The following BMAL2 variants were observed in gnomAD, a reference collection of about 807,000 sequenced individuals.
The protein encoded by BMAL2 is basic helix-loop-helix ARNT like 2.
At chr12:27,374,000 G>C in the BMAL2 span, among the ~76,000 whole-genome samples, 1 of 152,118 alleles carries the variant, frequency 6.6e-6, no homozygotes, top group African/African-American at 2.4e-5. Context: ...TGAATTGTTT[G>C]ACTAAGAAGA....
At chr12:27,374,823 C>T in the BMAL2 span, among the ~76,000 whole-genome samples, 1 of 152,178 alleles carries the variant, frequency 6.6e-6, no homozygotes, top group Non-Finnish European at 1.5e-5. Flanking sequence ...TCAACTCCTT[C>T]ATCTGTAAAA....
the BMAL2 span, chr12:27,333,022 C>T: frequency 7.6e-6 from 9 of 1,181,806 alleles, no homozygotes; most frequent in African/African-American, 6.4e-5. Context: ...GCCCGGGGCT[C>T]CTCCATGCTG....
the BMAL2 span, chr12:27,401,315 T>C: frequency 6.2e-7 from 1 of 1,614,144 alleles, no homozygotes; most frequent in African/African-American, 1.3e-5. Flanking sequence ...TTGTTATGAA[T>C]ATTTTCATCA....
At chr12:27,409,914 C>T in the BMAL2 span, among the ~76,000 whole-genome samples, 1 of 151,966 alleles carries the variant, frequency 6.6e-6, no homozygotes, top group Admixed American at 6.6e-5. Flanking sequence ...AACAAACAAC[C>T]CCATTAAAAA....
the BMAL2 span, chr12:27,420,615 G>A: frequency 1.5e-6 from 2 of 1,376,990 alleles, no homozygotes; most frequent in Non-Finnish European, 1.9e-6. Context: ...CTTAAGTACT[G>A]TATTGATATT....
At chr12:27,389,049 A>T in the BMAL2 span, 3 of 719,934 alleles carry the variant, frequency 4.2e-6, no homozygotes, top group African/African-American at 5.4e-5. Flanking sequence ...CATGTCACAC[A>T]GTGTCGTGGA....
the BMAL2 span, among the ~76,000 whole-genome samples, chr12:27,377,977 T>C: frequency 6.6e-6 from 1 of 152,028 alleles, no homozygotes; most frequent in Non-Finnish European, 1.5e-5. Flanking sequence ...CTGGAAAAAT[T>C]ACACTTTCTT....
the BMAL2 span, among the ~76,000 whole-genome samples, chr12:27,341,520 G>A: frequency 1.3e-5 from 2 of 152,166 alleles, no homozygotes; most frequent in African/African-American, 2.4e-5. Flanking sequence ...GGTTAGCGCA[G>A]CTACTTATCT....
At chr12:27,408,637 A>G in the BMAL2 span, among the ~76,000 whole-genome samples, 50 of 152,368 alleles carry the variant, frequency 3.3e-4, no homozygotes, top group East Asian at 9.4e-3. Context: ...AGCCAATATC[A>G]TACTGAATGG....
At chr12:27,334,535 T>C in the BMAL2 span, among the ~76,000 whole-genome samples, 11,027 of 152,266 alleles carry the variant, frequency 0.072, 491 homozygotes, top group South Asian at 0.11. Context: ...GTGTTGTCCC[T>C]TGTGAGTTAA....
the BMAL2 span, among the ~76,000 whole-genome samples, chr12:27,375,727 C>T: frequency 4.6e-5 from 7 of 152,176 alleles, no homozygotes; most frequent in East Asian, 1.2e-3. Context: ...GCTATGCAGC[C>T]TGCATGATTT....
At chr12:27,358,129 G>GA in the BMAL2 span, among the ~76,000 whole-genome samples, 117 of 152,206 alleles carry the variant, frequency 7.7e-4, 2 homozygotes, top group Middle Eastern at 3.4e-3. Context: ...GAGAGTGGGA[G>GA]AAAATCTTCG....
At chr12:27,376,163 G>C in the BMAL2 span, among the ~76,000 whole-genome samples, 6 of 152,208 alleles carry the variant, frequency 3.9e-5, no homozygotes, top group Non-Finnish European at 7.3e-5. Flanking sequence ...GTTAGGAGGA[G>C]AATGGTTCAT....
the BMAL2 span, chr12:27,421,230 G>A: frequency 3.3e-5 from 5 of 152,222 alleles, no homozygotes; most frequent in South Asian, 4.2e-4. Flanking sequence ...AGATCTTGGG[G>A]ATTAACCTCT....
At chr12:27,345,852 G>A in the BMAL2 span, among the ~76,000 whole-genome samples, 1 of 152,108 alleles carries the variant, frequency 6.6e-6, no homozygotes, top group South Asian at 2.1e-4. Flanking sequence ...TTATTGCAAA[G>A]TAAGAAAACC....
At chr12:27,403,376 T>C in the BMAL2 span, 9 of 1,174,100 alleles carry the variant, frequency 7.7e-6, no homozygotes, top group Non-Finnish European at 1.1e-5. Context: ...GTGAAATTAT[T>C]TGAATTGAAA....
At chr12:27,345,601 G>A in the BMAL2 span, among the ~76,000 whole-genome samples, 1 of 152,274 alleles carries the variant, frequency 6.6e-6, no homozygotes, top group South Asian at 2.1e-4. Context: ...TGATTCTCCT[G>A]CATCATCCTC....
the BMAL2 span, among the ~76,000 whole-genome samples, chr12:27,357,175 C>T: frequency 6.6e-6 from 1 of 152,106 alleles, no homozygotes; most frequent in Non-Finnish European, 1.5e-5. Flanking sequence ...TGTGCTGATT[C>T]CATATTTTTG....
At chr12:27,418,237 A>G in the BMAL2 span, 2 of 1,326,280 alleles carry the variant, frequency 1.5e-6, no homozygotes, top group Non-Finnish European at 2.1e-6. Flanking sequence ...TTCGTTTATC[A>G]AAACCCCCCT....
Sources: gnomAD v4.1 joint callset for allele counts (sites outside exome capture counted in the v4.1 genomes callset) on GRCh38, gnomAD v4.1.1 for gene constraint, MANE v1.5 for transcripts, NCBI Gene and HGNC (gene_info 2026-07-23, HGNC 2026-07-21) for gene names.